The following GTF2IRD1 variants were observed in gnomAD, a reference collection of about 807,000 sequenced individuals.
GTF2IRD1 encodes the protein general transcription factor II-I repeat domain-containing protein 1.
Under a neutral mutation model 113.2 loss-of-function variants are expected in GTF2IRD1, and 26 were observed. The ratio of observed to expected loss-of-function variants is 0.23; its 90% confidence interval spans 0.17 to 0.32. The LOEUF is 0.32. Ranked by LOEUF, GTF2IRD1 falls within the 10% of genes least tolerant of loss-of-function variation. The pLI is 1.00. For synonymous variants in GTF2IRD1, 484 were observed against 529.1 expected, an observed-to-expected ratio of 0.91 and a Z score of 1.17; for missense variants, 864 against 1,280.8, an observed-to-expected ratio of 0.67 and a Z score of 4.97.
chr7:74,459,180 G>A (rs1161907688), intron 1 of GTF2IRD1, among the ~76,000 whole-genome samples: 7 of 152,090 alleles, frequency 4.6e-5, no homozygotes, highest in Non-Finnish European at 1.0e-4. Flanking sequence ...GGCCGGGTGC[G>A]GTGGCTCATG....
At chr7:74,578,961 T>C (rs1318813421) in intron 22 of GTF2IRD1, among the ~76,000 whole-genome samples, 6 of 145,892 alleles carry the variant, frequency 4.1e-5, no homozygotes, top group African/African-American at 1.3e-4. Flanking sequence ...CACTCCAGCC[T>C]GGGCAACAGA....
At chr7:74,563,405 C>T (rs1800098369) in intron 22 of GTF2IRD1, among the ~76,000 whole-genome samples, 2 of 151,980 alleles carry the variant, frequency 1.3e-5, no homozygotes, top group South Asian at 4.2e-4. Flanking sequence ...TGGTGAAACC[C>T]CGTCTCTACT....
At chr7:74,455,153 T>A (rs1252213913) in intron 1 of GTF2IRD1, among the ~76,000 whole-genome samples, 5 of 152,046 alleles carry the variant, frequency 3.3e-5, no homozygotes, top group African/African-American at 1.2e-4. Flanking sequence ...TGTGTCCCCA[T>A]CCCAGCTGAA....
chr7:74,471,024 T>TA (rs1316155207), intron 1 of GTF2IRD1, among the ~76,000 whole-genome samples: 1 of 152,112 alleles, frequency 6.6e-6, no homozygotes, highest in African/African-American at 2.4e-5. Context: ...AGGCTGGTCT[T>TA]AAACTCCTGA....
chr7:74,498,083 T>C (rs1314138442), intron 1 of GTF2IRD1, among the ~76,000 whole-genome samples: 1 of 152,196 alleles, frequency 6.6e-6, no homozygotes, highest in Non-Finnish European at 1.5e-5. Flanking sequence ...TTTAGTGATG[T>C]TGGACATCTT....
intron 1 of GTF2IRD1, among the ~76,000 whole-genome samples, chr7:74,463,221 T>A (rs1793492923): frequency 6.6e-6 from 1 of 152,112 alleles, no homozygotes; most frequent in Non-Finnish European, 1.5e-5. Flanking sequence ...ATCTCTGGGC[T>A]TTGGTTTGTT....
At chr7:74,563,254 C>T (rs1233059188) in intron 22 of GTF2IRD1, among the ~76,000 whole-genome samples, 3 of 152,106 alleles carry the variant, frequency 2.0e-5, no homozygotes, top group African/African-American at 7.2e-5. Context: ...GGTGAGGCTT[C>T]GGGAACTTTC....
chr7:74,457,232 C>G lies in GTF2IRD1; in HGVS notation c.-7+3056C>G, dbSNP rs573369124. On this transcript the variant is annotated intron_variant, in intron 1 of 26. Coordinates refer to ENST00000424337, the MANE Select transcript of GTF2IRD1 (RefSeq NM_005685.4). Reference sequence around the variant, plus strand: ...TTCGAACTCCTGGGCATGAGGAGTCCTCCCACCTTGGCCTCTCAAAGTGCT... The same window carrying G: ...TTCGAACTCCTGGGCATGAGGAGTCGTCCCACCTTGGCCTCTCAAAGTGCT... Among the ~76,000 whole-genome samples, 7 of 152,154 alleles carry G rather than the reference C, an allele frequency of 4.6e-5. No homozygotes were observed. The East Asian group carries it at 9.7e-4, about 21-fold the overall frequency.
chr7:74,553,275 G>A (rs1250997684), intron 17 of GTF2IRD1, among the ~76,000 whole-genome samples: 2 of 151,550 alleles, frequency 1.3e-5, no homozygotes, highest in African/African-American at 2.4e-5. Flanking sequence ...GATTACAGGC[G>A]TGAGCCACCA....
intron 8 of GTF2IRD1, among the ~76,000 whole-genome samples, chr7:74,526,072 G>A (rs1797578327): frequency 6.6e-6 from 1 of 152,198 alleles, no homozygotes; most frequent in Non-Finnish European, 1.5e-5. Context: ...CTGCCCCTGA[G>A]TCTCTCCCCG....
In GTF2IRD1 at chr7:74,524,942, T is replaced by G. The variant is rs587677694; in HGVS notation, c.1090+788T>G. On this transcript the variant is annotated intron_variant, in intron 8 of 26. Transcript: ENST00000424337. ...GGTCTTAGCTACTTGCAGGCTGAGG[T>G]GGGAGGATTGCTTGAGTCCAGAAGG... Among the ~76,000 whole-genome samples, 23 of 151,978 alleles carry G rather than the reference T, an allele frequency of 1.5e-4. 1 individual carries two copies. In the South Asian group the frequency reaches 4.8e-3, roughly 32 times the overall value.
At chr7:74,487,018 T>A (rs573933850) in intron 1 of GTF2IRD1, among the ~76,000 whole-genome samples, 1 of 152,262 alleles carries the variant, frequency 6.6e-6, no homozygotes. Flanking sequence ...GTGATGTAGA[T>A]GAGAGAATTA....
intron 1 of GTF2IRD1, among the ~76,000 whole-genome samples, chr7:74,489,323 A>G (rs1329837056): frequency 1.3e-5 from 2 of 151,888 alleles, no homozygotes; most frequent in African/African-American, 2.4e-5. Context: ...CATGCAGGAG[A>G]AGGAGGACAT....
rs1802758872 is a variant in GTF2IRD1, at chr7:74,601,331, C to T, written c.2766+151C>T. ...CTTCCGGCCTCGGGGGTTATAGATGCATCCACCTGTCTCACCCAAGAGGTA... is the reference window on the plus strand; with the variant it reads ...CTTCCGGCCTCGGGGGTTATAGATGTATCCACCTGTCTCACCCAAGAGGTA... On this transcript the variant is annotated intron_variant, in intron 26 of 26. Coordinates refer to ENST00000424337, the MANE Select transcript of GTF2IRD1 (RefSeq NM_005685.4). 4.6e-6 allele frequency: 7 copies of T among 1,536,940 alleles called. No individual in the cohort carries two copies. The East Asian group carries it at 1.7e-4, about 38-fold the overall frequency.
chr7:74,500,640 G>A (rs1224422352), intron 1 of GTF2IRD1, among the ~76,000 whole-genome samples: 6 of 152,216 alleles, frequency 3.9e-5, no homozygotes, highest in Non-Finnish European at 7.4e-5. Flanking sequence ...TTTGCATCAC[G>A]TGTGTGGTCT....
intron 24 of GTF2IRD1, among the ~76,000 whole-genome samples, chr7:74,593,958 G>T (rs1802238305): frequency 6.6e-6 from 1 of 151,880 alleles, no homozygotes; most frequent in Non-Finnish European, 1.5e-5. Context: ...CCAGCACTTT[G>T]GGAGGCCAAG....
intron 1 of GTF2IRD1, among the ~76,000 whole-genome samples, chr7:74,497,828 C>G (rs1329209230): frequency 6.6e-6 from 1 of 152,196 alleles, no homozygotes; most frequent in African/African-American, 2.4e-5. Flanking sequence ...CCTCAGCCTC[C>G]CAAGTAGCTG....
intron 22 of GTF2IRD1, 43 bp downstream of exon 22, chr7:74,559,698 C>G (rs782434777): frequency 6.5e-7 from 1 of 1,535,994 alleles, no homozygotes; most frequent in Admixed American, 2.0e-5. Flanking sequence ...GAATAGGGCC[C>G]GATCGTGGTG....
intron 22 of GTF2IRD1, among the ~76,000 whole-genome samples, chr7:74,586,907 G>A (rs1463378468): frequency 6.6e-6 from 1 of 152,158 alleles, no homozygotes; most frequent in East Asian, 1.9e-4. Flanking sequence ...CACTTTCGGA[G>A]GCTGCGGACA....
Sources: allele counts gnomAD v4.1 joint callset (sites outside exome capture counted in the v4.1 genomes callset), GRCh38; gene constraint gnomAD v4.1.1; transcripts MANE v1.5; gene names NCBI Gene and HGNC (gene_info 2026-07-23, HGNC 2026-07-21).